The following TNPO3 variants were observed in gnomAD, a reference collection of about 807,000 sequenced individuals.
The protein encoded by TNPO3 is transportin 3.
TNPO3 carries 65 observed loss-of-function variants against 122.8 expected under a neutral mutation model. The observed-to-expected ratio is 0.53, with a 90% CI of 0.43 to 0.65. TNPO3 has a LOEUF of 0.65. Among genes scored for constraint, TNPO3 ranks in the 30% least tolerant of loss-of-function variants. The probability of loss-of-function intolerance (pLI) is 0.00; values close to 1 mark genes in which losing one functional copy is unlikely to be tolerated. For synonymous variants in TNPO3, 372 were observed against 411.2 expected (o/e 0.90, Z 1.15); for missense variants, 850 against 1,136.7 (o/e 0.75, Z 3.63).
At chr7:128,965,659 G>C (rs1332023790) in intron 21 of TNPO3, among the ~76,000 whole-genome samples, 1 of 152,186 alleles carries the variant, frequency 6.6e-6, no homozygotes, top group African/African-American at 2.4e-5. Context: ...GTTTATAGCA[G>C]CCTTACTCAC....
intron 8 of TNPO3, among the ~76,000 whole-genome samples, chr7:128,994,282 C>A (rs960125880): frequency 1.3e-5 from 2 of 151,990 alleles, no homozygotes; most frequent in Non-Finnish European, 2.9e-5. Flanking sequence ...CTCAGCCTCC[C>A]AGGTAACTGG....
At chr7:128,976,624 C>T (rs1167947324) in intron 16 of TNPO3, among the ~76,000 whole-genome samples, 1 of 152,104 alleles carries the variant, frequency 6.6e-6, no homozygotes, top group African/African-American at 2.4e-5. Context: ...TAGGTGTGCA[C>T]CACCATGCCC....
intron 1 of TNPO3, among the ~76,000 whole-genome samples, chr7:129,018,432 T>G (rs1321844368): frequency 1.3e-5 from 2 of 152,146 alleles, no homozygotes; most frequent in African/African-American, 4.8e-5. Context: ...AATGACTGTG[T>G]GGGTGTCAAG....
intron 18 of TNPO3, among the ~76,000 whole-genome samples, 173 bp from the exon 19 acceptor site, chr7:128,972,755 T>C (rs1798619295): frequency 6.6e-6 from 1 of 152,132 alleles, no homozygotes; most frequent in African/African-American, 2.4e-5. Flanking sequence ...AGTGAAAGTA[T>C]TCTGTATGAT....
chr7:129,009,545 T>C lies in TNPO3; in HGVS notation c.553-4386A>G, dbSNP rs1802954603. On this transcript the variant is annotated intron_variant, in intron 4 of 22. Coordinates refer to ENST00000265388, the MANE Select transcript of TNPO3 (RefSeq NM_012470.4). ...TATATTTTTCAGACTGCATCACAGT[T>C]CCTCAAAATATCACCTGTGATTGAT... Among the ~76,000 whole-genome samples the C allele has an allele frequency of 1.3e-5, 2 of 152,230 alleles. 1 individual carries two copies. Among genetic ancestry groups the C allele is most frequent in the South Asian group, 4.1e-4 (2 of 4,834 alleles).
chr7:128,965,391 A>T (rs2128986103), intron 21 of TNPO3, among the ~76,000 whole-genome samples: 1 of 152,336 alleles, frequency 6.6e-6, no homozygotes, highest in Non-Finnish European at 1.5e-5. Flanking sequence ...ATATCACTTC[A>T]CACTTGGTGT....
At chr7:129,004,917 A>T (rs1802402016) in intron 5 of TNPO3, 99 bp downstream of exon 5, 21 of 1,170,078 alleles carry the variant, frequency 1.8e-5, no homozygotes, top group Non-Finnish European at 2.3e-5. Flanking sequence ...CACGCCTTCC[A>T]GTTACTGTGC....
In TNPO3 at chr7:128,970,319, T is replaced by C; in HGVS notation, c.2431-4A>G. 6.4e-7 allele frequency: 1 copy of C among 1,571,788 alleles called. No homozygotes were observed. The highest frequency in any genetic ancestry group is 8.6e-7 in the Non-Finnish European group (1 of 1,157,534). The stretch of plus-strand genomic sequence containing the variant: ...GTAATTCAAAGTCTTCTTCATGCTG[T>C]ATGTAGGAAAGCAGGAACATCAGAT... On this transcript the variant is annotated splice_polypyrimidine_tract_variant and splice_region_variant and intron_variant, in intron 19 of 22. Coordinates refer to ENST00000265388, the MANE Select transcript of TNPO3 (RefSeq NM_012470.4).
At chr7:128,968,388 ACTTC>A (rs1156971135) in intron 20 of TNPO3, among the ~76,000 whole-genome samples, 1 of 152,038 alleles carries the variant, frequency 6.6e-6, no homozygotes, top group Admixed American at 6.5e-5. Context: ...TACTCCCTTT[ACTTC>A]CTTCCTTTCT....
chr7:129,015,136 C>G lies in TNPO3; in HGVS notation c.396-1G>C. 6.2e-7 allele frequency: 1 copy of G among 1,604,038 alleles called. No individual in the cohort carries two copies. Among genetic ancestry groups the G allele is most frequent in the Non-Finnish European group, 8.5e-7 (1 of 1,177,810 alleles). On this transcript the variant is annotated splice_acceptor_variant, in intron 3 of 22. Coordinates refer to ENST00000265388, the MANE Select transcript of TNPO3 (RefSeq NM_012470.4). LOFTEE classifies it high-confidence loss of function. ...CAAAGAAGTCACATCATTGCTGTATCTGCAAAAGAAAAAAGTGGAGATATG... is the reference window on the plus strand; with the variant it reads ...CAAAGAAGTCACATCATTGCTGTATGTGCAAAAGAAAAAAGTGGAGATATG...
chr7:128,957,303 A>T lies in TNPO3; in HGVS notation c.2724T>A (p.Cys908Ter). 6.2e-7 allele frequency: 1 copy of T among 1,614,194 alleles called. No homozygotes were observed. Among genetic ancestry groups the T allele is most frequent in the Non-Finnish European group, 8.5e-7 (1 of 1,180,004 alleles). ...FHKQVTSAEE[C>*]KQVCWALRDF... ...CTCGCAAGGCCCAGCAAACTTGTTT[A>T]CATTCCTCAGCACTAGAAAAGAAAA... The change falls in exon 22 of 23, where the codon TGT becomes TGA. Residue 908 changes from cysteine (C) to a stop codon, truncating the protein, a stop_gained. Transcript: ENST00000265388. LOFTEE classifies it high-confidence loss of function.
intron 4 of TNPO3, among the ~76,000 whole-genome samples, chr7:129,014,632 T>C (rs1803623145): frequency 6.6e-6 from 1 of 152,186 alleles, no homozygotes; most frequent in Non-Finnish European, 1.5e-5. Flanking sequence ...ACACTTCCCT[T>C]TGCATGATCC....
chr7:128,962,933 T>C (rs910631556), intron 21 of TNPO3, among the ~76,000 whole-genome samples: 1 of 152,210 alleles, frequency 6.6e-6, no homozygotes, highest in Non-Finnish European at 1.5e-5. Flanking sequence ...TTATTTTATC[T>C]GTCATATATT....
chr7:129,029,656 G>A (rs1319522561), intron 1 of TNPO3: 1 of 152,160 alleles, frequency 6.6e-6, no homozygotes, highest in African/African-American at 2.4e-5. Context: ...CCAGACTCTA[G>A]AGTGAGAGTC....
chr7:129,047,112 T>A (rs1203584261), intron 1 of TNPO3, among the ~76,000 whole-genome samples: 2 of 152,256 alleles, frequency 1.3e-5, no homozygotes, highest in African/African-American at 4.8e-5. Context: ...ATCTGCTTTG[T>A]GCTTTTGATG....
In TNPO3 at chr7:128,970,438, CTG is replaced by C. The variant is rs1011300493; in HGVS notation, c.2431-125_2431-124del. On this transcript the variant is annotated intron_variant, in intron 19 of 22. Coordinates refer to ENST00000265388, the MANE Select transcript of TNPO3 (RefSeq NM_012470.4). ...AGTGTGTGTGTGTGTGCACGCGTGGCTGTGTGTGTGTGTATGCAGGTGTGTGT... is the reference window on the plus strand; with the variant it reads ...AGTGTGTGTGTGTGTGCACGCGTGGCTGTGTGTGTGTATGCAGGTGTGTGT... The C allele has an allele frequency of 2.9e-3, 2,272 of 796,780 alleles. 1 individual carries two copies. Among genetic ancestry groups the C allele is most frequent in the South Asian group, 3.9e-3 (204 of 52,416 alleles). The allele number at this position is 796,780 out of a possible 1,614,324, so 49.4% of individuals were successfully genotyped here. A position where few individuals can be genotyped will look rare whatever the true frequency, so the allele number is the denominator to read the frequency against.
chr7:129,023,723 T>C (rs1450080852), intron 1 of TNPO3, among the ~76,000 whole-genome samples: 1 of 152,184 alleles, frequency 6.6e-6, no homozygotes, highest in Non-Finnish European at 1.5e-5. Flanking sequence ...CAAGCAGACA[T>C]AAACTCATTA....
At chr7:128,976,038 T>G (rs1280003255) in intron 16 of TNPO3, 103 bp from the exon 17 acceptor site, 2 of 792,380 alleles carry the variant, frequency 2.5e-6, no homozygotes, top group Non-Finnish European at 2.2e-6. Flanking sequence ...TGGCTTCTTC[T>G]CTTTAAGGCA....
At chr7:129,026,054 AG>A (rs1198431515) in intron 1 of TNPO3, among the ~76,000 whole-genome samples, 2 of 145,756 alleles carry the variant, frequency 1.4e-5, no homozygotes, top group African/African-American at 5.1e-5. Flanking sequence ...TGAACCTGGG[AG>A]GGGAAGGTTG....
Sources: allele counts gnomAD v4.1 joint callset (sites outside exome capture counted in the v4.1 genomes callset), GRCh38; gene constraint gnomAD v4.1.1; transcripts MANE v1.5; gene names NCBI Gene and HGNC (gene_info 2026-07-23, HGNC 2026-07-21).